STOM: variants seen among roughly 807,000 people sequenced by gnomAD.
STOM encodes erythrocyte band 7 integral membrane protein.
Under a neutral mutation model 30.6 loss-of-function variants are expected in STOM, and 25 were observed. The observed-to-expected ratio is 0.82, with a 90% confidence interval of 0.60 to 1.14. The LOEUF is 1.14. Ranked by LOEUF, STOM falls within the 50% of genes most tolerant of loss-of-function variation. The pLI is 0.00. For missense variants in STOM, 292 were observed against 365.2 expected (o/e 0.80, Z 1.63); for synonymous variants, 118 against 130.8 (o/e 0.90, Z 0.67).
At chr9:121,366,580 C>G (rs1232190950) in intron 1 of STOM, among the ~76,000 whole-genome samples, 1 of 152,050 alleles carries the variant, frequency 6.6e-6, no homozygotes, top group Non-Finnish European at 1.5e-5. Context: ...AAATCAACAG[C>G]TTAAGTTATA....
intron 1 of STOM, among the ~76,000 whole-genome samples, chr9:121,359,475 A>G (rs1024164996): frequency 6.6e-6 from 1 of 152,156 alleles, no homozygotes; most frequent in East Asian, 1.9e-4. Flanking sequence ...ATTCATTGAG[A>G]GAATATTCAA....
intron 5 of STOM, among the ~76,000 whole-genome samples, chr9:121,348,688 A>C (rs1342844445): frequency 6.6e-6 from 1 of 152,232 alleles, no homozygotes; most frequent in East Asian, 1.9e-4. Context: ...TATACAAATA[A>C]TAAGAATCCA....
chr9:121,354,492 C>T (rs2064367044), intron 3 of STOM, 109 bp downstream of exon 3: 4 of 821,740 alleles, frequency 4.9e-6, no homozygotes, highest in Admixed American at 2.8e-5. Context: ...TGTACTCCAG[C>T]CTGGGCGACG....
At chr9:121,341,500 T>C (rs2064246757) in intron 6 of STOM, 92 bp from the exon 7 acceptor site, 2 of 1,536,720 alleles carry the variant, frequency 1.3e-6, no homozygotes, top group Admixed American at 1.9e-5. Flanking sequence ...CCTCAGGTGG[T>C]CCACAAAACT....
At chr9:121,360,488 A>T (rs1446880254) in intron 1 of STOM, among the ~76,000 whole-genome samples, 1 of 152,132 alleles carries the variant, frequency 6.6e-6, no homozygotes, top group Non-Finnish European at 1.5e-5. Flanking sequence ...TAGTTTCCTT[A>T]CCGGTGGAAA....
At chr9:121,355,148 A>G (rs1334477846) in intron 2 of STOM, among the ~76,000 whole-genome samples, 1 of 150,812 alleles carries the variant, frequency 6.6e-6, no homozygotes, top group Non-Finnish European at 1.5e-5. Flanking sequence ...AATCCAAGCT[A>G]CAAGGGAGGA....
chr9:121,345,330 G>C (rs1269134276), intron 6 of STOM, among the ~76,000 whole-genome samples: 1 of 152,104 alleles, frequency 6.6e-6, no homozygotes, highest in African/African-American at 2.4e-5. Flanking sequence ...CCCACACTTG[G>C]TTCTTTTCCG....
Position 121,351,619 on chromosome 9 carries a change from A to G in STOM, c.321+1601T>C, listed in dbSNP as rs138054449. Reference sequence around the variant, plus strand: ...GGACATGGTTCCCAGGATGGCCATCACTTTTTCGGGGGCTATGAGGGAGCT... The same window carrying G: ...GGACATGGTTCCCAGGATGGCCATCGCTTTTTCGGGGGCTATGAGGGAGCT... On this transcript the variant is annotated intron_variant, in intron 4 of 6. Coordinates refer to ENST00000286713, the MANE Select transcript of STOM (RefSeq NM_004099.6). Among the ~76,000 whole-genome samples, 9 of 152,334 alleles carry G rather than the reference A, an allele frequency of 5.9e-5. No homozygotes were observed. The East Asian group carries it at 1.7e-3, about 29-fold the overall frequency.
At chr9:121,341,509 C>A in intron 6 of STOM, 101 bp from the exon 7 acceptor site, 2 of 1,465,820 alleles carry the variant, frequency 1.4e-6, no homozygotes. Context: ...GTCCACAAAA[C>A]TTTCTAGGGC....
chr9:121,364,663 T>C (rs76747244), intron 1 of STOM, among the ~76,000 whole-genome samples: 17,240 of 152,242 alleles, frequency 0.11, 1,200 homozygotes, highest in Middle Eastern at 0.17. Flanking sequence ...CATAAATGTC[T>C]TATTTCCTAA....
At chr9:121,365,584 T>G (rs1001007985) in intron 1 of STOM, among the ~76,000 whole-genome samples, 1 of 151,644 alleles carries the variant, frequency 6.6e-6, no homozygotes, top group Non-Finnish European at 1.5e-5. Flanking sequence ...CATTTAAAAA[T>G]GGGAAATGGA....
chr9:121,346,216 C>T (rs571528898), intron 6 of STOM, among the ~76,000 whole-genome samples: 8 of 152,180 alleles, frequency 5.3e-5, no homozygotes, highest in Non-Finnish European at 4.4e-5. Context: ...TCTTGAACTC[C>T]TCACCTCAGG....
In STOM at chr9:121,370,215, C is replaced by T. The variant is rs772566131; in HGVS notation, c.-28G>A. On this transcript the variant is annotated 5_prime_UTR_variant, in exon 1 of 7. Transcript: ENST00000286713. ...TGCCCGAGACGCAGTCGCACTCCCC[C>T]GTCCTCGTTGCCAAACCCGGAGCCG... 3.8e-5 allele frequency: 58 copies of T among 1,543,286 alleles called. No homozygotes were observed. The highest frequency in any genetic ancestry group is 4.9e-5 in the Non-Finnish European group (56 of 1,143,754).
rs1156937416 is a variant in STOM, at chr9:121,357,424, G to GAT, written c.62-1270_62-1269dup. 5.7e-4 allele frequency among the ~76,000 whole-genome samples: 54 copies of GAT among 95,416 alleles called. 1 individual carries two copies. Among genetic ancestry groups the GAT allele is most frequent in the African/African-American group, 8.3e-4 (26 of 31,394 alleles). 62.6% of individuals were successfully genotyped at this position (95,416 alleles called of 152,430 possible). On this transcript the variant is annotated intron_variant, in intron 1 of 6. Transcript: ENST00000286713. ...TAGTGTACACACCATATTTTTAAAT[G>GAT]ATATATATATATATATTTATTTATT... is the stretch of plus-strand genomic sequence containing the variant.
intron 1 of STOM, 165 bp downstream of exon 1, chr9:121,369,962 A>T (rs2134052237): frequency 1.6e-6 from 1 of 620,900 alleles, no homozygotes; most frequent in African/African-American, 1.8e-5. Flanking sequence ...AGTCTGCCAA[A>T]CAGGGTTCGT....
At chr9:121,341,768 T>A (rs117914258) in intron 6 of STOM, among the ~76,000 whole-genome samples, 2 of 152,346 alleles carry the variant, frequency 1.3e-5, no homozygotes, top group East Asian at 1.9e-4. Flanking sequence ...AATTCTCTGA[T>A]GAGTACCTTA....
chr9:121,347,982 CAGTA>C, intron 6 of STOM, 29 bp downstream of exon 6: 1 of 1,576,840 alleles, frequency 6.3e-7, no homozygotes, highest in South Asian at 1.2e-5. Flanking sequence ...AGAGAAAACT[CAGTA>C]AGAAAAACAA....
chr9:121,355,579 G>A (rs961401627), intron 2 of STOM, among the ~76,000 whole-genome samples: 1 of 152,014 alleles, frequency 6.6e-6, no homozygotes, highest in Non-Finnish European at 1.5e-5. Context: ...AAAAAATAAC[G>A]AGCACTGAGG....
chr9:121,357,441 T>A (rs172593), intron 1 of STOM, among the ~76,000 whole-genome samples: 22,747 of 71,544 alleles, frequency 0.32, 3,466 homozygotes, highest in Middle Eastern at 0.4. Context: ...ATATATATAT[T>A]TATTTATTTA....
Sources: allele counts gnomAD v4.1 joint callset (sites outside exome capture counted in the v4.1 genomes callset), GRCh38; gene constraint gnomAD v4.1.1; transcripts MANE v1.5; gene names NCBI Gene and HGNC (gene_info 2026-07-23, HGNC 2026-07-21).